CERKL: variants seen among roughly 807,000 people sequenced by gnomAD.
CERKL encodes the protein CERK like autophagy regulator.
CERKL carries 61 observed loss-of-function variants against 63.4 expected under a neutral mutation model. The ratio of observed to expected loss-of-function variants is 0.96; its 90% CI spans 0.78 to 1.19. The LOEUF (loss-of-function observed/expected upper bound fraction) is 1.19. CERKL is among the 50% of genes most tolerant of loss of function. The pLI is 0.00. For missense variants in CERKL, 675 were observed against 655.5 expected, an observed-to-expected ratio of 1.03 and a Z score of -0.33; for synonymous variants, 250 against 230.5, an observed-to-expected ratio of 1.08 and a Z score of -0.77.
chr2:181,637,726 T>G lies in CERKL; in HGVS notation c.238+19043A>C, dbSNP rs2105500275. On this transcript the variant is annotated intron_variant, in intron 1 of 12. Coordinates refer to ENST00000410087, the MANE Select transcript of CERKL (RefSeq NM_201548.5). ...TAGTAGATTTGATTTTGGAACCATA[T>G]AAGTATTTCACGTAATTATAAAATT... Among the ~76,000 whole-genome samples, 4 of 152,252 alleles carry G rather than the reference T, an allele frequency of 2.6e-5. No homozygotes were observed. The South Asian group carries it at 8.3e-4, about 32-fold the overall frequency.
At position 181,544,749 on chromosome 2, in the gene CERKL, C is replaced by G; in HGVS notation, c.1316G>C (p.Arg439Pro). Residue 439 changes from arginine to proline, a missense_variant, in exon 11 of 13, where the codon CGG becomes CCG. Transcript: ENST00000410087. ...TTTCAGGTGTTTTATAAATTCTGGC[C>G]GAGAAGTGTTTCGGGCAATTATAAG... ...MALIIARNTS[R>P]PEFIKHLKRY... The G allele has an allele frequency of 6.2e-7, 1 of 1,608,974 alleles. No homozygotes were observed. Among genetic ancestry groups the G allele is most frequent in the Non-Finnish European group, 8.5e-7 (1 of 1,176,806 alleles).
intron 1 of CERKL, among the ~76,000 whole-genome samples, chr2:181,609,604 G>A (rs943377366): frequency 6.7e-6 from 1 of 149,810 alleles, no homozygotes; most frequent in Non-Finnish European, 1.5e-5. Context: ...TACTCAAGAG[G>A]TTGAGGCAGG....
chr2:181,634,812 G>A (rs1435147413), intron 1 of CERKL, among the ~76,000 whole-genome samples: 2 of 152,086 alleles, frequency 1.3e-5, no homozygotes, highest in African/African-American at 2.4e-5. Flanking sequence ...TAAGCAATAA[G>A]TAACTGCTGC....
chr2:181,604,517 G>C (rs1325473301), intron 1 of CERKL, among the ~76,000 whole-genome samples: 2 of 152,164 alleles, frequency 1.3e-5, no homozygotes, highest in Admixed American at 6.5e-5. Flanking sequence ...AAATGGAAGA[G>C]AGTCCCTGCC....
intron 1 of CERKL, among the ~76,000 whole-genome samples, chr2:181,653,702 G>C (rs144441420): frequency 0.016 from 2,371 of 152,264 alleles, 28 homozygotes; most frequent in Middle Eastern, 0.027. Context: ...ATTATAAAAG[G>C]TTGATATAGA....
intron 1 of CERKL, among the ~76,000 whole-genome samples, chr2:181,615,468 T>A (rs1333190148): frequency 6.6e-6 from 1 of 152,258 alleles, no homozygotes; most frequent in Non-Finnish European, 1.5e-5. Flanking sequence ...TGGATTTATC[T>A]GCTTGGCGCT....
At chr2:181,547,423 T>G (rs952364334) in intron 10 of CERKL, among the ~76,000 whole-genome samples, 195 bp downstream of exon 10, 4 of 152,180 alleles carry the variant, frequency 2.6e-5, no homozygotes, top group Non-Finnish European at 5.9e-5. Context: ...CGTTAAATAG[T>G]CAATGATTAT....
At position 181,547,740 on chromosome 2, in the gene CERKL, A is replaced by C; in HGVS notation, c.1160-14T>G. ...GATCATTACAGTCTAAAGGTAATGA[A>C]AGTGATTGGTTATTTTCCCTCACCA... On this transcript the variant is annotated splice_polypyrimidine_tract_variant and intron_variant, in intron 9 of 12. Coordinates refer to ENST00000410087, the MANE Select transcript of CERKL (RefSeq NM_201548.5). The C allele has an allele frequency of 4.3e-6, 7 of 1,613,178 alleles. No individual in the cohort carries two copies. The highest frequency in any genetic ancestry group is 5.1e-6 in the Non-Finnish European group (6 of 1,179,126).
At chr2:181,650,775 A>G (rs990897560) in intron 1 of CERKL, among the ~76,000 whole-genome samples, 1 of 148,800 alleles carries the variant, frequency 6.7e-6, no homozygotes, top group Admixed American at 6.7e-5. Context: ...AAAAGAAAGA[A>G]AGAAAAAAAA....
chr2:181,638,405 A>G (rs1472044681), intron 1 of CERKL, among the ~76,000 whole-genome samples: 1 of 152,202 alleles, frequency 6.6e-6, no homozygotes, highest in African/African-American at 2.4e-5. Flanking sequence ...CAGACAGCTG[A>G]GTGAATGTCA....
intron 1 of CERKL, among the ~76,000 whole-genome samples, chr2:181,627,161 T>C (rs899254316): frequency 2.0e-5 from 3 of 152,278 alleles, no homozygotes; most frequent in East Asian, 3.9e-4. Context: ...GTTGATTAAA[T>C]ATGGTTCTTT....
chr2:181,576,730 G>T (rs1332070430), intron 2 of CERKL, among the ~76,000 whole-genome samples: 1 of 152,222 alleles, frequency 6.6e-6, no homozygotes, highest in African/African-American at 2.4e-5. Context: ...GTTGTGCTTG[G>T]ACTGAAGTGA....
rs145451033 is a variant in CERKL at position 181,599,181 on chromosome 2, T to A, written c.481+4656A>T. Among the ~76,000 whole-genome samples, 229 of 152,286 alleles carry A rather than the reference T, an allele frequency of 1.5e-3. 1 individual carries two copies. The highest frequency in any genetic ancestry group is 9.7e-3 in the East Asian group (50 of 5,166). ...GATATGAAACATGAGATAGCCATAT[T>A]AAGATAAAACCAAATAGAACTTTTG... On this transcript the variant is annotated intron_variant, in intron 2 of 12. Coordinates refer to ENST00000410087, the MANE Select transcript of CERKL (RefSeq NM_201548.5).
At chr2:181,562,385 T>A (rs959557465) in intron 4 of CERKL, among the ~76,000 whole-genome samples, 2 of 152,178 alleles carry the variant, frequency 1.3e-5, no homozygotes, top group African/African-American at 4.8e-5. Context: ...GGGCACATGT[T>A]CTCAGGACCC....
At chr2:181,654,082 T>C (rs1417730737) in intron 1 of CERKL, among the ~76,000 whole-genome samples, 1 of 152,142 alleles carries the variant, frequency 6.6e-6, no homozygotes, top group Non-Finnish European at 1.5e-5. Flanking sequence ...TTAGACCAGC[T>C]GTTGGATCTG....
At chr2:181,614,573 T>G (rs937980667) in intron 1 of CERKL, among the ~76,000 whole-genome samples, 1 of 152,218 alleles carries the variant, frequency 6.6e-6, no homozygotes, top group African/African-American at 2.4e-5. Context: ...TGAAAAAATA[T>G]TACATCTTTT....
At chr2:181,587,788 C>A (rs983444194) in intron 2 of CERKL, among the ~76,000 whole-genome samples, 2 of 151,972 alleles carry the variant, frequency 1.3e-5, no homozygotes, top group African/African-American at 4.8e-5. Flanking sequence ...ATGATTTTAT[C>A]AATTAAAAAG....
chr2:181,656,793 G>T lies in CERKL; in HGVS notation c.214C>A (p.Pro72Thr), dbSNP rs755508203. 1 of 1,596,958 alleles carries T rather than the reference G, an allele frequency of 6.3e-7. No individual in the cohort carries two copies. Among genetic ancestry groups the T allele is most frequent in the South Asian group, 1.1e-5 (1 of 89,606 alleles). Residue 72 changes from proline to threonine, a missense_variant, in exon 1 of 13, where the codon CCC (proline) becomes ACC (threonine). Transcript: ENST00000410087. ...VLSERALRWR[P>T]IQPERPAGDS... ...CCCGCCGGGCGCTCGGGCTGAATGG[G>T]CCGCCACCGCAGTGCTCGCTCGCTC...
chr2:181,654,445 G>T (rs567007883), intron 1 of CERKL, among the ~76,000 whole-genome samples: 2 of 152,274 alleles, frequency 1.3e-5, no homozygotes, highest in South Asian at 4.1e-4. Flanking sequence ...AGATCACATA[G>T]TATTTTATTT....
Sources: allele counts gnomAD v4.1 joint callset (sites outside exome capture counted in the v4.1 genomes callset), GRCh38; gene constraint gnomAD v4.1.1; transcripts MANE v1.5; gene names NCBI Gene and HGNC (gene_info 2026-07-23, HGNC 2026-07-21).